Variants in MLF1 observed in about 807,000 individuals in gnomAD.
MLF1 encodes myelodysplasia-myeloid leukemia factor 1.
In MLF1, 37 loss-of-function variants were observed where a neutral mutation model predicts 38.3. The observed-to-expected ratio is 0.96, with a 90% confidence interval of 0.74 to 1.27. The LOEUF (loss-of-function observed/expected upper bound fraction) is 1.27, where lower values mean the gene tolerates loss of function less well. MLF1 is among the 50% of genes most tolerant of loss of function. The pLI, the probability that MLF1 is intolerant of heterozygous loss-of-function variation, is 0.00. For missense variants in MLF1, 331 were observed against 349.2 expected (o/e 0.95, Z 0.42); for synonymous variants, 95 against 106.5 (o/e 0.89, Z 0.66).
At chr3:158,595,229 G>A (rs937237621) in intron 3 of MLF1, among the ~76,000 whole-genome samples, 3 of 152,084 alleles carry the variant, frequency 2.0e-5, no homozygotes, top group African/African-American at 7.2e-5. Flanking sequence ...GCCTTTCTCA[G>A]GTGGTGATAC....
In MLF1 at chr3:158,592,435, G is replaced by A. The variant is rs1319128994; in HGVS notation, c.49G>A (p.Glu17Lys). 1.2e-6 allele frequency: 2 copies of A among 1,600,404 alleles called. No individual in the cohort carries two copies. The highest frequency in any genetic ancestry group is 8.5e-7 in the Non-Finnish European group (1 of 1,175,912). Residue 17 changes from glutamate to lysine, a missense_variant and splice_region_variant, in exon 2 of 8, where the codon GAG becomes AAG. Physicochemically the swap from Glu to Lys is moderately conservative, Grantham distance 56. Transcript: ENST00000466246. Reference sequence around the variant, plus strand: ...CATGATTATGTATATTTTCAACAGTGAGTCCATTCTTGCACACCGAGAAAA... The same window carrying A: ...CATGATTATGTATATTTTCAACAGTAAGTCCATTCTTGCACACCGAGAAAA... ...SSFEDDPFFS[E>K]SILAHRENMR...
intron 1 of MLF1, among the ~76,000 whole-genome samples, chr3:158,587,099 G>A (rs1183716185): frequency 1.3e-5 from 2 of 152,190 alleles, no homozygotes; most frequent in Non-Finnish European, 2.9e-5. Flanking sequence ...TAGACTGAAT[G>A]CTTGCTAAAA....
chr3:158,604,459 A>G (rs1399664994), intron 7 of MLF1, among the ~76,000 whole-genome samples: 1 of 152,228 alleles, frequency 6.6e-6, no homozygotes, highest in Admixed American at 6.5e-5. Flanking sequence ...GTTGATTCAC[A>G]TTTGAAGCAT....
At chr3:158,597,758 C>A (rs565062094) in intron 4 of MLF1, among the ~76,000 whole-genome samples, 2 of 152,256 alleles carry the variant, frequency 1.3e-5, no homozygotes, top group African/African-American at 4.8e-5. Context: ...GGGGGCATAG[C>A]ATCTTTATTG....
Position 158,605,374 on chromosome 3 carries a change from G to T in MLF1, c.*172G>T. 2.3e-6 allele frequency: 1 copy of T among 430,478 alleles called. No homozygotes were observed. Among genetic ancestry groups the T allele is most frequent in the Non-Finnish European group, 4.1e-6 (1 of 242,016 alleles). 26.7% of individuals were successfully genotyped at this position (430,478 alleles called of 1,614,324 possible). On this transcript the variant is annotated 3_prime_UTR_variant, in exon 8 of 8. Coordinates refer to ENST00000466246, the MANE Select transcript of MLF1 (RefSeq NM_001369783.1). Reference sequence around the variant, plus strand: ...TAGCTTTATATTGTCCCTCTTTTAGGAATAAAATTTTGATTTTCAACAATG... The same window carrying T: ...TAGCTTTATATTGTCCCTCTTTTAGTAATAAAATTTTGATTTTCAACAATG...
chr3:158,579,391 A>G (rs1034014885), intron 1 of MLF1, among the ~76,000 whole-genome samples: 1 of 152,182 alleles, frequency 6.6e-6, no homozygotes, highest in Non-Finnish European at 1.5e-5. Context: ...TAAACTCACT[A>G]GAAGTTTCAG....
chr3:158,577,103 A>G (rs925174082), intron 1 of MLF1, among the ~76,000 whole-genome samples: 8 of 152,200 alleles, frequency 5.3e-5, no homozygotes, highest in Admixed American at 2.0e-4. Context: ...TACTTCTTCT[A>G]TCTCCTTATA....
intron 3 of MLF1, among the ~76,000 whole-genome samples, chr3:158,593,835 G>A (rs1718510485): frequency 6.6e-6 from 1 of 152,126 alleles, no homozygotes; most frequent in Non-Finnish European, 1.5e-5. Context: ...CTTTCTCTAG[G>A]ATTTTGTTGC....
At chr3:158,582,688 A>G (rs1716585862) in intron 1 of MLF1, 2 of 458,844 alleles carry the variant, frequency 4.4e-6, no homozygotes, top group Non-Finnish European at 7.6e-6. Flanking sequence ...ATGGCATGAA[A>G]TATATAAAGT....
At chr3:158,601,641 C>T (rs1403186981) in intron 6 of MLF1, among the ~76,000 whole-genome samples, 2 of 151,632 alleles carry the variant, frequency 1.3e-5, no homozygotes, top group East Asian at 3.9e-4. Flanking sequence ...CCTGTAATCC[C>T]AGCTACTTGG....
intron 1 of MLF1, chr3:158,582,673 A>C (rs968304257): frequency 2.5e-5 from 11 of 439,360 alleles, no homozygotes; most frequent in Admixed American, 1.7e-4. Context: ...GCAAGCAAGA[A>C]GAGAATGGCA....
chr3:158,578,016 G>A (rs932428215), intron 1 of MLF1, among the ~76,000 whole-genome samples: 3 of 152,044 alleles, frequency 2.0e-5, no homozygotes, highest in African/African-American at 4.8e-5. Context: ...ACTATAGGCC[G>A]AACCCTGTGG....
intron 5 of MLF1, 136 bp from the exon 6 acceptor site, chr3:158,599,878 A>G (rs1294537571): frequency 3.0e-6 from 1 of 332,214 alleles, no homozygotes; most frequent in Non-Finnish European, 5.3e-6. Flanking sequence ...CAGTTTTACC[A>G]CAAGTTAATA....
intron 1 of MLF1, among the ~76,000 whole-genome samples, chr3:158,586,256 T>G (rs1268036035): frequency 1.1e-4 from 17 of 151,864 alleles, no homozygotes; most frequent in Admixed American, 1.1e-3. Context: ...AGTGCAATTT[T>G]GATACATTAA....
At chr3:158,573,860 A>G (rs531006904) in intron 1 of MLF1, among the ~76,000 whole-genome samples, 90 of 152,316 alleles carry the variant, frequency 5.9e-4, no homozygotes, top group African/African-American at 2.2e-3. Context: ...GCTAGAGTGC[A>G]GTGGGTTGCT....
At chr3:158,582,358 T>C (rs1716525445) in intron 1 of MLF1, among the ~76,000 whole-genome samples, 1 of 151,412 alleles carries the variant, frequency 6.6e-6, no homozygotes, top group Non-Finnish European at 1.5e-5. Context: ...GCAAGAACTG[T>C]AGGGCAACTA....
At chr3:158,594,969 T>G (rs1553839561) in intron 3 of MLF1, among the ~76,000 whole-genome samples, 1 of 152,160 alleles carries the variant, frequency 6.6e-6, no homozygotes, top group Non-Finnish European at 1.5e-5. Context: ...AGAGATAATT[T>G]ATTCATTCAT....
intron 1 of MLF1, chr3:158,582,851 T>C (rs1203843809): frequency 1.5e-6 from 1 of 683,828 alleles, no homozygotes; most frequent in African/African-American, 1.8e-5. Context: ...AAAGAAGTTC[T>C]TCAGAGAGAA....
At chr3:158,582,809 T>C (rs886285279) in intron 1 of MLF1, 31 of 642,964 alleles carry the variant, frequency 4.8e-5, no homozygotes, top group Admixed American at 2.3e-4. Flanking sequence ...GGTGAATTTG[T>C]TGACAGTAGA....
Sources: allele counts gnomAD v4.1 joint callset (sites outside exome capture counted in the v4.1 genomes callset), GRCh38; gene constraint gnomAD v4.1.1; transcripts MANE v1.5; gene names NCBI Gene and HGNC (gene_info 2026-07-23, HGNC 2026-07-21).